RXFP2: variants seen among roughly 807,000 people sequenced by gnomAD.
RXFP2 encodes the protein relaxin receptor 2.
RXFP2 carries 68 observed loss-of-function variants against 88.6 expected under a neutral mutation model. That is an observed-to-expected ratio of 0.77 (90% CI 0.63 to 0.94). RXFP2 has a LOEUF of 0.94. Among genes scored for constraint, RXFP2 ranks in the 40% least tolerant of loss-of-function variants. The pLI is 0.00. For missense variants in RXFP2, 791 were observed against 893.9 expected, an observed-to-expected ratio of 0.88 and a Z score of 1.47; for synonymous variants, 329 against 306.8, an observed-to-expected ratio of 1.07 and a Z score of -0.76.
chr13:31,761,567 G>A (rs1293636392), intron 2 of RXFP2, among the ~76,000 whole-genome samples, 157 bp from the exon 3 acceptor site: 1 of 152,160 alleles, frequency 6.6e-6, no homozygotes, highest in Non-Finnish European at 1.5e-5. Flanking sequence ...CCTTGCAGAT[G>A]TTTGCCTAAC....
Position 31,790,944 on chromosome 13 carries a change from G to A in RXFP2, c.1146-862G>A, listed in dbSNP as rs561256383. Among the ~76,000 whole-genome samples, 79 of 152,312 alleles carry A rather than the reference G, an allele frequency of 5.2e-4. No homozygotes were observed. The Middle Eastern group carries it at 0.014, about 26-fold the overall frequency. ...GAGTAAGCATTGCAGGGCAAGAGGCGAGGTGGTGCAGGCAGCCAGGGGTCT... is the reference window on the plus strand; with the variant it reads ...GAGTAAGCATTGCAGGGCAAGAGGCAAGGTGGTGCAGGCAGCCAGGGGTCT... On this transcript the variant is annotated intron_variant, in intron 14 of 17. Coordinates refer to ENST00000298386, the MANE Select transcript of RXFP2 (RefSeq NM_130806.5).
chr13:31,780,136 G>T (rs895951558), intron 9 of RXFP2, among the ~76,000 whole-genome samples: 2 of 152,176 alleles, frequency 1.3e-5, no homozygotes, highest in Non-Finnish European at 2.9e-5. Flanking sequence ...CAGGGTTCCG[G>T]AGACACTTAT....
At chr13:31,767,527 G>T (rs74044221) in intron 5 of RXFP2, among the ~76,000 whole-genome samples, 172 of 152,244 alleles carry the variant, frequency 1.1e-3, no homozygotes, top group African/African-American at 3.8e-3. Context: ...AAATAAAATA[G>T]CACTAGCAGA....
At chr13:31,751,622 C>T (rs1871678018) in intron 1 of RXFP2, among the ~76,000 whole-genome samples, 2 of 152,148 alleles carry the variant, frequency 1.3e-5, no homozygotes, top group Admixed American at 6.5e-5. Context: ...TGGGATAATT[C>T]CCACTCAGAG....
At chr13:31,797,045 A>G (rs1404796993) in intron 16 of RXFP2, among the ~76,000 whole-genome samples, 156 bp from the exon 17 acceptor site, 1 of 152,250 alleles carries the variant, frequency 6.6e-6, no homozygotes, top group Non-Finnish European at 1.5e-5. Flanking sequence ...ACCATTTCCA[A>G]GATATATCAT....
intron 2 of RXFP2, among the ~76,000 whole-genome samples, chr13:31,759,842 C>T (rs751657580): frequency 2.0e-5 from 3 of 152,102 alleles, no homozygotes; most frequent in Non-Finnish European, 4.4e-5. Context: ...CCCCTGGGTA[C>T]TCAGGCGTGC....
chr13:31,792,716 G>A lies in RXFP2; in HGVS notation c.1414G>A (p.Gly472Ser). ...GATGGGTGTTTACTTGTTCTTTGTT[G>A]GCATTTTCGATATAAAATACCGAGG... ...CLMGVYLFFV[G>S]IFDIKYRGQY... is the part of the protein sequence containing the mutation. The change falls in exon 16 of 18, where the codon GGC becomes AGC. Residue 472 changes from glycine to serine, a missense_variant. Gly to Ser is a moderately conservative substitution (Grantham distance 56). Coordinates refer to ENST00000298386, the MANE Select transcript of RXFP2 (RefSeq NM_130806.5). 1 of 1,614,058 alleles carries A rather than the reference G, an allele frequency of 6.2e-7. No homozygotes were observed. Among genetic ancestry groups the A allele is most frequent in the South Asian group, 1.1e-5 (1 of 91,076 alleles).
chr13:31,798,458 G>C (rs1172217078), intron 17 of RXFP2, among the ~76,000 whole-genome samples: 2 of 152,224 alleles, frequency 1.3e-5, no homozygotes, highest in African/African-American at 4.8e-5. Context: ...AGCCATAAGA[G>C]GGTTTTGTGG....
chr13:31,758,443 T>G (rs1872079947), intron 2 of RXFP2, 39 bp downstream of exon 2: 5 of 1,611,208 alleles, frequency 3.1e-6, no homozygotes, highest in Non-Finnish European at 4.2e-6. Context: ...TGCCTCACTT[T>G]ATGAACACCC....
intron 2 of RXFP2, among the ~76,000 whole-genome samples, chr13:31,761,269 A>ACTT (rs1212367698): frequency 1.3e-5 from 2 of 152,024 alleles, no homozygotes; most frequent in African/African-American, 4.8e-5. Context: ...CCTTTGAGAA[A>ACTT]CTTTGCTTTT....
At chr13:31,775,211 C>T (rs908578307) in intron 6 of RXFP2, 107 bp from the exon 7 acceptor site, 40 of 924,282 alleles carry the variant, frequency 4.3e-5, no homozygotes, top group South Asian at 2.5e-4. Flanking sequence ...TACTTTCAGA[C>T]GCAGATGTCC....
At chr13:31,744,343 T>TA (rs1179734849) in intron 1 of RXFP2, among the ~76,000 whole-genome samples, 1 of 152,238 alleles carries the variant, frequency 6.6e-6, no homozygotes, top group Non-Finnish European at 1.5e-5. Context: ...GCACTTATTG[T>TA]AAAATTTCAT....
intron 15 of RXFP2, among the ~76,000 whole-genome samples, chr13:31,792,246 T>C (rs1359360521): frequency 1.3e-5 from 2 of 152,204 alleles, no homozygotes; most frequent in Non-Finnish European, 2.9e-5. Flanking sequence ...CAGGAGTATG[T>C]CTTGGGAATG....
intron 10 of RXFP2, among the ~76,000 whole-genome samples, chr13:31,781,995 G>A (rs1417907314): frequency 6.6e-6 from 1 of 151,952 alleles, no homozygotes; most frequent in East Asian, 1.9e-4. Context: ...ACTGGGACCT[G>A]AAAGTTCCAG....
At chr13:31,786,892 C>T (rs1451777234) in intron 13 of RXFP2, among the ~76,000 whole-genome samples, 1 of 152,178 alleles carries the variant, frequency 6.6e-6, no homozygotes, top group Non-Finnish European at 1.5e-5. Flanking sequence ...GTGGCAAAAT[C>T]TCATCCTACA....
At chr13:31,742,327 T>C (rs1274950368) in intron 1 of RXFP2, among the ~76,000 whole-genome samples, 2 of 152,224 alleles carry the variant, frequency 1.3e-5, no homozygotes, top group Non-Finnish European at 2.9e-5. Flanking sequence ...ATGCCTGGCA[T>C]GGTCCTTTCT....
intron 4 of RXFP2, 53 bp downstream of exon 4, chr13:31,765,195 C>G: frequency 9.1e-7 from 1 of 1,102,148 alleles, no homozygotes; most frequent in Non-Finnish European, 1.4e-6. Flanking sequence ...ACATGAAAAC[C>G]AAGAAAAAAC....
At chr13:31,761,878 T>C (rs1460813116) in intron 3 of RXFP2, 77 bp downstream of exon 3, 3 of 965,266 alleles carry the variant, frequency 3.1e-6, no homozygotes, top group African/African-American at 3.2e-5. Context: ...ATATGGGTAA[T>C]GTGACAAATT....
chr13:31,771,208 A>G (rs1214584289), intron 5 of RXFP2, among the ~76,000 whole-genome samples: 2 of 152,228 alleles, frequency 1.3e-5, no homozygotes, highest in African/African-American at 2.4e-5. Flanking sequence ...TTTAAGTTGT[A>G]TTGGGATATA....
Sources: gnomAD v4.1 joint callset for allele counts (sites outside exome capture counted in the v4.1 genomes callset) on GRCh38, gnomAD v4.1.1 for gene constraint, MANE v1.5 for transcripts, NCBI Gene and HGNC (gene_info 2026-07-23, HGNC 2026-07-21) for gene names.